The following VSIG4 variants were observed in gnomAD, a reference collection of about 807,000 sequenced individuals.
VSIG4 encodes V-set and immunoglobulin domain-containing protein 4.
In VSIG4, 34 loss-of-function variants were observed where a neutral mutation model predicts 23.4. The observed-to-expected ratio is 1.45, with a 90% confidence interval of 1.10 to 1.93. The LOEUF (loss-of-function observed/expected upper bound fraction) is 1.93. VSIG4 is among the 30% of genes most tolerant of loss of function. The pLI is 0.00. For synonymous variants in VSIG4, 169 were observed against 120.3 expected, an observed-to-expected ratio of 1.41 and a Z score of -2.65; for missense variants, 433 against 310.8, an observed-to-expected ratio of 1.39 and a Z score of -2.96.
intron 3 of VSIG4, among the ~76,000 whole-genome samples, chrX:66,031,176 A>T (rs1431703549): frequency 9.0e-6 from 1 of 111,718 alleles, no homozygotes; most frequent in Non-Finnish European, 1.9e-5. Context: ...AGAAGGAATA[A>T]ACAGGAGGGT....
Position 66,028,113 on chromosome X carries a change from C to T in VSIG4, c.695-1G>A, listed in dbSNP as rs2085414961. The T allele has an allele frequency of 1.3e-5, 16 of 1,209,171 alleles. No individual in the cohort carries two copies. The highest frequency in any genetic ancestry group is 1.7e-5 in the Non-Finnish European group (15 of 893,598). ...TTGGTCTTGAGTAGCTTTGAGGAGT[C>T]TGCAAGGAAAAGGGAACCGATTGAA... On this transcript the variant is annotated splice_acceptor_variant, in intron 3 of 7. Coordinates refer to ENST00000374737, the MANE Select transcript of VSIG4 (RefSeq NM_007268.3). LOFTEE classifies it high-confidence loss of function.
chrX:66,039,690 C>T (rs1323979390), intron 1 of VSIG4, among the ~76,000 whole-genome samples: 2 of 111,615 alleles, frequency 1.8e-5, no homozygotes. Flanking sequence ...AGATACAAGC[C>T]CTAGAAAATA....
rs373593093 is a variant in VSIG4, at chrX:66,021,925, C to T, written c.*338G>A. On this transcript the variant is annotated 3_prime_UTR_variant, in exon 8 of 8. Transcript: ENST00000374737. ...TGAGCTGGCAGAGCTGAGCCTCCCTCGGGTCTTCTGGTGGCAAGATGCCAA... is the reference window on the plus strand; with the variant it reads ...TGAGCTGGCAGAGCTGAGCCTCCCTTGGGTCTTCTGGTGGCAAGATGCCAA... 4.0e-5 allele frequency: 22 copies of T among 549,097 alleles called. No homozygotes were observed. Among genetic ancestry groups the T allele is most frequent in the East Asian group, 2.1e-4 (4 of 19,155 alleles). The allele number at this position is 549,097 out of a possible 1,213,427, so 45.3% of individuals were successfully genotyped here.
At chrX:66,029,644 GAGAA>G (rs763671519) in intron 3 of VSIG4, among the ~76,000 whole-genome samples, 1 of 111,568 alleles carries the variant, frequency 9.0e-6, no homozygotes, top group Non-Finnish European at 1.9e-5. Context: ...GGTATAGGAA[GAGAA>G]AGAAAGAGCC....
At chrX:66,038,467 GCTCT>G (rs747112398) in intron 1 of VSIG4, among the ~76,000 whole-genome samples, 1 of 93,973 alleles carries the variant, frequency 1.1e-5, no homozygotes, top group Non-Finnish European at 2.0e-5. Flanking sequence ...ACACATGAGT[GCTCT>G]CTCTCTCTCT....
At position 66,032,466 on chromosome X, in the gene VSIG4, A is replaced by G; in HGVS notation, c.694+2T>C. 8.3e-7 allele frequency: 1 copy of G among 1,204,624 alleles called. No homozygotes were observed. The highest frequency in any genetic ancestry group is 1.1e-6 in the Non-Finnish European group (1 of 890,785). ...TGCTCACCAGGAAAGAGGGCCGCTCACCTTTGACCACAAACTTCACAATGT... is the reference window on the plus strand; with the variant it reads ...TGCTCACCAGGAAAGAGGGCCGCTCGCCTTTGACCACAAACTTCACAATGT... On this transcript the variant is annotated splice_donor_variant, in intron 3 of 7. Transcript: ENST00000374737. LOFTEE classifies it high-confidence loss of function.
intron 5 of VSIG4, among the ~76,000 whole-genome samples, chrX:66,026,354 A>AT (rs2085390330): frequency 8.9e-6 from 1 of 112,045 alleles, no homozygotes; most frequent in Non-Finnish European, 1.9e-5. Flanking sequence ...TCGAAGAAAT[A>AT]TTCTCTTTTG....
chrX:66,027,562 C>T, intron 4 of VSIG4, 36 bp from the exon 5 acceptor site: 1 of 1,098,527 alleles, frequency 9.1e-7, no homozygotes, highest in Non-Finnish European at 1.2e-6. Context: ...AGATGTCTCT[C>T]TTCTTTCAAA....
Position 66,032,584 on chromosome X carries a change from A to C in VSIG4, c.578T>G (p.Leu193Arg). ...CGCAGGCTTGAAGAGTAAGGTACTT[A>C]GGGTTGCTACTTTGATGGGTTCCTG... ...NNQEPIKVAT[L>R]STLLFKPAVI... Residue 193 changes from leucine (L) to arginine (R), a missense_variant, in exon 3 of 8, where the codon CTA becomes CGA. Transcript: ENST00000374737. The C allele has an allele frequency of 8.3e-7, 1 of 1,211,656 alleles. No individual in the cohort carries two copies.
In VSIG4 at chrX:66,022,007, C is replaced by T. The variant is rs2085336764; in HGVS notation, c.*256G>A. On this transcript the variant is annotated 3_prime_UTR_variant, in exon 8 of 8. Transcript: ENST00000374737. ...AGTCCTAGTGCTATGGGCATCTTCC[C>T]TCTGGTATTTAGAGAGGAGTACCAG... is the stretch of plus-strand genomic sequence containing the variant. The T allele has an allele frequency of 3.6e-6, 4 of 1,102,990 alleles. No homozygotes were observed. Among genetic ancestry groups the T allele is most frequent in the Non-Finnish European group, 4.9e-6 (4 of 820,306 alleles). 90.9% of individuals were successfully genotyped at this position (1,102,990 alleles called of 1,213,427 possible).
intron 1 of VSIG4, 24 bp downstream of exon 1, chrX:66,039,920 G>C (rs765672766): frequency 2.2e-5 from 27 of 1,208,480 alleles, no homozygotes; most frequent in South Asian, 7.1e-5. Context: ...AGCAATGGCA[G>C]CCAGGCCCCC....
At chrX:66,029,062 AC>A (rs1199984480) in intron 3 of VSIG4, among the ~76,000 whole-genome samples, 2 of 111,953 alleles carry the variant, frequency 1.8e-5, no homozygotes, top group Non-Finnish European at 3.8e-5. Flanking sequence ...AGGGCCATGT[AC>A]CTGCTCAGAA....
chrX:66,026,969 G>A (rs182495940), intron 5 of VSIG4, among the ~76,000 whole-genome samples: 185 of 111,443 alleles, frequency 1.7e-3, no homozygotes, highest in African/African-American at 5.8e-3. Context: ...TCAGATGCAG[G>A]TGAAACACAA....
rs962107832 is a variant in VSIG4, at chrX:66,033,594, G to A, written c.292C>T (p.Leu98Phe). 3.5e-5 allele frequency: 42 copies of A among 1,209,450 alleles called. No individual in the cohort carries two copies. The highest frequency in any genetic ancestry group is 4.5e-5 in the Non-Finnish European group (40 of 895,092). Residue 98 changes from leucine to phenylalanine, a missense_variant, in exon 2 of 8, where the codon CTC (leucine) becomes TTC (phenylalanine). Coordinates refer to ENST00000374737, the MANE Select transcript of VSIG4 (RefSeq NM_007268.3). ...TCCATCTCCAGGGTGCTCAATTGGA[G>A]GGATACATCTCCTGGAACCTTGTGG... ...VSHKVPGDVS[L>F]QLSTLEMDDR...
chrX:66,037,042 A>T (rs1428389701), intron 1 of VSIG4, among the ~76,000 whole-genome samples: 1 of 38,000 alleles, frequency 2.6e-5, no homozygotes, highest in Non-Finnish European at 4.0e-5. Context: ...ATGTAATATA[A>T]TATATCATAT....
intron 7 of VSIG4, 84 bp downstream of exon 7, chrX:66,022,757 C>A: frequency 8.3e-7 from 1 of 1,205,416 alleles, no homozygotes; most frequent in Non-Finnish European, 1.1e-6. Context: ...CTGTGCCACA[C>A]CCCCCTTCCT....
At chrX:66,025,504 C>T (rs886271479) in intron 5 of VSIG4, among the ~76,000 whole-genome samples, 3 of 112,366 alleles carry the variant, frequency 2.7e-5, no homozygotes, top group Non-Finnish European at 5.6e-5. Context: ...TCAGTTACTT[C>T]TAGCCACAAA....
intron 1 of VSIG4, among the ~76,000 whole-genome samples, chrX:66,035,205 A>G (rs776195315): frequency 8.9e-5 from 10 of 111,837 alleles, no homozygotes; most frequent in Non-Finnish European, 1.7e-4. Flanking sequence ...AATAAATAAC[A>G]TAAGTCCATG....
At chrX:66,027,664 C>A (rs2085408546) in intron 4 of VSIG4, 138 bp from the exon 5 acceptor site, 2 of 494,205 alleles carry the variant, frequency 4.0e-6, no homozygotes, top group Non-Finnish European at 7.1e-6. Context: ...TGTTATCAAC[C>A]ACTAGTACCA....
Sources: allele counts gnomAD v4.1 joint callset (sites outside exome capture counted in the v4.1 genomes callset), GRCh38; gene constraint gnomAD v4.1.1; transcripts MANE v1.5; gene names NCBI Gene and HGNC (gene_info 2026-07-23, HGNC 2026-07-21).